Variants in CACNA2D3 observed in about 807,000 individuals in gnomAD.
CACNA2D3 encodes voltage-dependent calcium channel subunit alpha-2/delta-3.
CACNA2D3 carries 60 observed loss-of-function variants against 160.6 expected under a neutral mutation model. The ratio of observed to expected loss-of-function variants is 0.37; its 90% CI spans 0.30 to 0.46. CACNA2D3 has a LOEUF of 0.46. Ranked by LOEUF, CACNA2D3 falls within the 20% of genes least tolerant of loss-of-function variation. The pLI is 1.00. For synonymous variants in CACNA2D3, 558 were observed against 492.9 expected (o/e 1.13, Z -1.75); for missense variants, 1,205 against 1,365.0 (o/e 0.88, Z 1.85).
At chr3:54,914,459 G>A (rs1226578702) in intron 27 of CACNA2D3, among the ~76,000 whole-genome samples, 5 of 152,162 alleles carry the variant, frequency 3.3e-5, no homozygotes, top group East Asian at 1.9e-4. Context: ...TATCAAGGTC[G>A]TCTTGATGGG....
chr3:54,128,476 A>G (rs1374923190), intron 2 of CACNA2D3, among the ~76,000 whole-genome samples: 1 of 152,122 alleles, frequency 6.6e-6, no homozygotes, highest in Non-Finnish European at 1.5e-5. Flanking sequence ...TCCCACTTAC[A>G]TTGATCAATC....
chr3:54,594,093 A>C (rs1305747696), intron 9 of CACNA2D3, among the ~76,000 whole-genome samples: 1 of 152,230 alleles, frequency 6.6e-6, no homozygotes, highest in Non-Finnish European at 1.5e-5. Flanking sequence ...CATTAATATG[A>C]TACAAACATT....
chr3:54,541,004 G>A (rs555844982), intron 5 of CACNA2D3, among the ~76,000 whole-genome samples: 250 of 152,262 alleles, frequency 1.6e-3, no homozygotes, highest in Non-Finnish European at 2.8e-3. Flanking sequence ...GAGGCCGAGC[G>A]TGGTGGCTCA....
At chr3:54,342,159 C>A (rs1249844731) in intron 3 of CACNA2D3, among the ~76,000 whole-genome samples, 2 of 152,080 alleles carry the variant, frequency 1.3e-5, no homozygotes, top group Admixed American at 6.5e-5. Flanking sequence ...AGTACTATAG[C>A]AGTAGTATAA....
intron 5 of CACNA2D3, among the ~76,000 whole-genome samples, chr3:54,531,075 G>A (rs915679990): frequency 1.3e-5 from 2 of 152,250 alleles, no homozygotes; most frequent in African/African-American, 4.8e-5. Context: ...ACTTGAGCTG[G>A]CAACTGCCAT....
At chr3:54,786,492 C>T (rs1293338033) in intron 13 of CACNA2D3, among the ~76,000 whole-genome samples, 1 of 152,178 alleles carries the variant, frequency 6.6e-6, no homozygotes, top group Admixed American at 6.5e-5. Context: ...TTATACAATA[C>T]AGTATGGTTA....
chr3:54,204,313 A>ATG (rs370763995), intron 2 of CACNA2D3, among the ~76,000 whole-genome samples: 48 of 152,068 alleles, frequency 3.2e-4, no homozygotes, highest in African/African-American at 7.5e-4. Context: ...ATGGAAATAT[A>ATG]TGTGTGTGTG....
At chr3:54,979,033 C>T (rs1488375427) in intron 29 of CACNA2D3, among the ~76,000 whole-genome samples, 1 of 152,136 alleles carries the variant, frequency 6.6e-6, no homozygotes, top group African/African-American at 2.4e-5. Context: ...TTAAATTTGT[C>T]TTTGATGAAA....
intron 2 of CACNA2D3, among the ~76,000 whole-genome samples, chr3:54,225,102 A>C (rs62252199): frequency 0.49 from 74,236 of 150,534 alleles, 19,907 homozygotes; most frequent in East Asian, 1. Flanking sequence ...ATCCCTCCCC[A>C]CTCCACCCAC....
At position 55,074,200 on chromosome 3, in the gene CACNA2D3, A is replaced by C. The variant is rs1279024785; in HGVS notation, c.3270A>C (p.Ser1090=). Residue 1090 remains serine (S), a synonymous_variant, in exon 38 of 38, where the codon TCA becomes TCC. Coordinates refer to ENST00000474759, the MANE Select transcript of CACNA2D3 (RefSeq NM_018398.3). The part of the protein sequence containing the change: ...LLLPLLLMLF[S]R ...TCCCTCTGCTTTTGATGCTCTTCTC[A>C]AGGTGACACTGACTGAGATGTTCTC... is the stretch of plus-strand genomic sequence containing the variant. The C allele has an allele frequency of 6.2e-7, 1 of 1,612,706 alleles. No homozygotes were observed. Among genetic ancestry groups the C allele is most frequent in the Admixed American group, 1.7e-5 (1 of 60,002 alleles).
chr3:55,040,874 C>T (rs1239027536), intron 35 of CACNA2D3, among the ~76,000 whole-genome samples: 1 of 152,164 alleles, frequency 6.6e-6, no homozygotes, highest in Non-Finnish European at 1.5e-5. Context: ...AGCATCGCTT[C>T]CATTTCCCAA....
At chr3:54,940,494 G>A (rs1245843302) in intron 27 of CACNA2D3, among the ~76,000 whole-genome samples, 2 of 152,002 alleles carry the variant, frequency 1.3e-5, no homozygotes, top group Non-Finnish European at 2.9e-5. Context: ...ACAGAGCTTC[G>A]GGCCATGTGT....
At chr3:54,881,162 A>G (rs1326190498) in intron 21 of CACNA2D3, among the ~76,000 whole-genome samples, 1 of 152,206 alleles carries the variant, frequency 6.6e-6, no homozygotes, top group African/African-American at 2.4e-5. Flanking sequence ...TATGGATGAA[A>G]GCAGAGTATC....
chr3:54,631,738 G>T (rs982731640), intron 10 of CACNA2D3, among the ~76,000 whole-genome samples: 1 of 152,172 alleles, frequency 6.6e-6, no homozygotes, highest in Non-Finnish European at 1.5e-5. Flanking sequence ...AAACTTCTAA[G>T]CCCCTTCAAG....
At chr3:54,568,922 A>G (rs1054239773) in intron 6 of CACNA2D3, among the ~76,000 whole-genome samples, 1 of 152,224 alleles carries the variant, frequency 6.6e-6, no homozygotes, top group African/African-American at 2.4e-5. Context: ...TCGGAAAAAA[A>G]GAATCTCAAT....
intron 11 of CACNA2D3, among the ~76,000 whole-genome samples, chr3:54,693,463 T>G (rs1700604172): frequency 6.6e-6 from 1 of 152,250 alleles, no homozygotes; most frequent in Non-Finnish European, 1.5e-5. Context: ...CACACAATTA[T>G]GTACAGTACA....
intron 11 of CACNA2D3, among the ~76,000 whole-genome samples, chr3:54,743,111 A>T (rs1454308077): frequency 6.6e-6 from 1 of 152,210 alleles, no homozygotes; most frequent in Non-Finnish European, 1.5e-5. Context: ...TAATTTCCCA[A>T]ATTTGTGAAA....
chr3:54,217,780 G>T lies in CACNA2D3; in HGVS notation c.204+94186G>T, dbSNP rs148510222. ...ATGCATGGCCCTCAGAACTGGGAGA[G>T]AATAAGTTTCTGTTGTTTTATGTCA... On this transcript the variant is annotated intron_variant, in intron 2 of 37. Transcript: ENST00000474759. Among the ~76,000 whole-genome samples, 5 of 152,288 alleles carry T rather than the reference G, an allele frequency of 3.3e-5. No individual in the cohort carries two copies. The East Asian group carries it at 9.7e-4, about 29-fold the overall frequency.
chr3:54,250,675 GTC>G (rs1179225415), intron 2 of CACNA2D3, among the ~76,000 whole-genome samples: 2 of 152,128 alleles, frequency 1.3e-5, no homozygotes, highest in African/African-American at 4.8e-5. Context: ...GGCTCAAGCA[GTC>G]TTCCCTCCGT....
Sources: allele counts gnomAD v4.1 joint callset (sites outside exome capture counted in the v4.1 genomes callset), GRCh38; gene constraint gnomAD v4.1.1; transcripts MANE v1.5; gene names NCBI Gene and HGNC (gene_info 2026-07-23, HGNC 2026-07-21).